PCDHA3: variants seen among roughly 807,000 people sequenced by gnomAD.
The protein encoded by PCDHA3 is protocadherin alpha-3.
A neutral mutation model predicts 62.2 loss-of-function variants in PCDHA3; 41 were observed. The ratio of observed to expected loss-of-function variants is 0.66; its 90% CI spans 0.51 to 0.86. The LOEUF (loss-of-function observed/expected upper bound fraction) is 0.86. PCDHA3 is among the 40% of genes least tolerant of loss of function. PCDHA3 has a pLI of 0.00. For synonymous variants in PCDHA3, 640 were observed against 555.4 expected (o/e 1.15, Z -2.14); for missense variants, 1,304 against 1,241.2 (o/e 1.05, Z -0.76).
chr5:140,813,508 CAT>C (rs1765319427), intron 1 of PCDHA3: 1 of 152,062 alleles, frequency 6.6e-6, no homozygotes. Context: ...ACAGTAAAAA[CAT>C]TGTACAGATT....
At chr5:140,866,702 C>T (rs251370) in intron 1 of PCDHA3, 67,860 of 151,870 alleles carry the variant, frequency 0.45, 15,551 homozygotes, top group South Asian at 0.58. Flanking sequence ...CAGTGGATGA[C>T]GTGCACTAGT....
intron 1 of PCDHA3, chr5:140,848,966 G>C (rs2150427042): frequency 1.9e-5 from 31 of 1,605,602 alleles, no homozygotes; most frequent in Non-Finnish European, 2.6e-5. Flanking sequence ...TAGAGGGCGC[G>C]TCCGATGCAG....
intron 1 of PCDHA3, among the ~76,000 whole-genome samples, chr5:140,819,549 G>C (rs1554127713): frequency 6.6e-6 from 1 of 152,080 alleles, no homozygotes; most frequent in Non-Finnish European, 1.5e-5. Flanking sequence ...TGTAACATTT[G>C]ATTGAAGAAA....
chr5:140,846,369 C>CTTTTTTTTTTTTTTT (rs797033964), intron 1 of PCDHA3, among the ~76,000 whole-genome samples: 7 of 102,190 alleles, frequency 6.8e-5, no homozygotes, highest in Non-Finnish European at 1.2e-4. Context: ...TCTTTTCTTT[C>CTTTTTTTTTTTTTTT]TTTCTTTTTT....
chr5:140,884,020 G>C (rs61734917), intron 1 of PCDHA3: 236 of 1,613,292 alleles, frequency 1.5e-4, no homozygotes, highest in Non-Finnish European at 1.9e-4. Flanking sequence ...TGCCGCGGTC[G>C]GTGGGTGCAG....
intron 1 of PCDHA3, among the ~76,000 whole-genome samples, chr5:140,844,595 AT>A (rs1205514835): frequency 1.2e-4 from 18 of 149,668 alleles, no homozygotes; most frequent in Middle Eastern, 3.5e-3. Context: ...GATATTTAAT[AT>A]ATGACTTAGA....
chr5:140,824,247 C>A (rs1379279128), intron 1 of PCDHA3: 2 of 1,431,764 alleles, frequency 1.4e-6, no homozygotes, highest in South Asian at 1.2e-5. Flanking sequence ...TTGTGGTACA[C>A]AATTATTGCA....
intron 1 of PCDHA3, chr5:140,883,940 G>T: frequency 6.2e-7 from 1 of 1,613,412 alleles, no homozygotes; most frequent in Non-Finnish European, 8.5e-7. Flanking sequence ...CGTGCTGGAC[G>T]AGAACGACAA....
chr5:140,833,788 C>T (rs1397261820), intron 1 of PCDHA3, among the ~76,000 whole-genome samples: 1 of 152,046 alleles, frequency 6.6e-6, no homozygotes, highest in Non-Finnish European at 1.5e-5. Context: ...GTTTCTCTTT[C>T]ATCAATCAGT....
In PCDHA3 at chr5:141,011,632, C is replaced by T. The variant is rs1333162247; in HGVS notation, c.*1695C>T. Reference sequence around the variant, plus strand: ...TTTATGGTCCAGCCAAGAGCCATCTCGTGCCAAGACTTCTGCTGGCAAGGG... The same window carrying T: ...TTTATGGTCCAGCCAAGAGCCATCTTGTGCCAAGACTTCTGCTGGCAAGGG... On this transcript the variant is annotated 3_prime_UTR_variant, in exon 4 of 4. Transcript: ENST00000522353. The T allele has an allele frequency of 1.3e-5, 2 of 153,656 alleles. No homozygotes were observed. The highest frequency in any genetic ancestry group is 4.8e-5 in the African/African-American group (2 of 41,412). 9.5% of individuals were successfully genotyped at this position (153,656 alleles called of 1,614,324 possible).
At chr5:140,833,562 T>A (rs1298635340) in intron 1 of PCDHA3, among the ~76,000 whole-genome samples, 1 of 152,132 alleles carries the variant, frequency 6.6e-6, no homozygotes, top group African/African-American at 2.4e-5. Context: ...GAAACAAATA[T>A]AAAATGATGA....
At chr5:140,805,584 T>C (rs1763598795) in intron 1 of PCDHA3, 2 of 934,032 alleles carry the variant, frequency 2.1e-6, no homozygotes, top group Non-Finnish European at 2.6e-6. Context: ...ATGGCTACCA[T>C]TATGTCTTTA....
chr5:140,826,566 G>A (rs1423403318), intron 1 of PCDHA3, among the ~76,000 whole-genome samples: 2 of 152,130 alleles, frequency 1.3e-5, no homozygotes, highest in Non-Finnish European at 2.9e-5. Context: ...TGAAGGAGGG[G>A]TTTAATCACT....
At position 140,828,002 on chromosome 5, in the gene PCDHA3, G is replaced by A. The variant is rs2150150131; in HGVS notation, c.2394+24411G>A. 1.2e-5 allele frequency: 18 copies of A among 1,499,082 alleles called. No individual in the cohort carries two copies. In the African/African-American group the frequency reaches 1.5e-4, roughly 13 times the overall value. 92.9% of individuals were successfully genotyped at this position (1,499,082 alleles called of 1,614,324 possible). ...TGACTGTTGAATGATGGCGGACGCAGAAGAAATGGATTAATAAATTCCGGA... is the reference window on the plus strand; with the variant it reads ...TGACTGTTGAATGATGGCGGACGCAAAAGAAATGGATTAATAAATTCCGGA... On this transcript the variant is annotated intron_variant, in intron 1 of 3. Transcript: ENST00000522353.
At chr5:140,857,727 A>C in intron 1 of PCDHA3, 1 of 1,597,294 alleles carries the variant, frequency 6.3e-7, no homozygotes, top group South Asian at 1.1e-5. Flanking sequence ...GAGAACGACA[A>C]CGCTCCCGCG....
intron 1 of PCDHA3, chr5:140,836,166 C>A (rs373780071): frequency 1.9e-6 from 3 of 1,613,826 alleles, no homozygotes; most frequent in South Asian, 1.1e-5. Flanking sequence ...GGCGAAGGTA[C>A]GTGCAGTTGA....
At position 141,009,762 on chromosome 5, in the gene PCDHA3, C is replaced by G. The variant is rs2154001658; in HGVS notation, c.2678C>G (p.Ser893Cys). Reference sequence around the variant, plus strand: ...CCCGACAAATTCATTATCCCAGGATCTCCTGCAATCATCTCCATCCGGCAG... The same window carrying G: ...CCCGACAAATTCATTATCCCAGGATGTCCTGCAATCATCTCCATCCGGCAG... Reference protein sequence around the residue: ...ELPDKFIIPGSPAIISIRQEP... With the variant: ...ELPDKFIIPGCPAIISIRQEP... The change falls in exon 4 of 4, where the codon TCT becomes TGT. Residue 893 changes from serine (S) to cysteine (C), a missense_variant. Coordinates refer to ENST00000522353, the MANE Select transcript of PCDHA3 (RefSeq NM_018906.3). 5 of 1,614,180 alleles carry G rather than the reference C, an allele frequency of 3.1e-6. No homozygotes were observed. In the East Asian group the frequency reaches 1.1e-4, roughly 36 times the overall value.
chr5:140,968,741 A>T, intron 1 of PCDHA3: 1 of 1,614,106 alleles, frequency 6.2e-7, no homozygotes, highest in Non-Finnish European at 8.5e-7. Context: ...TTTCAACCTG[A>T]CCGTGGTGGT....
intron 3 of PCDHA3, among the ~76,000 whole-genome samples, chr5:140,994,381 C>T (rs1339661887): frequency 6.6e-6 from 1 of 152,086 alleles, no homozygotes; most frequent in East Asian, 1.9e-4. Context: ...ATTCAGGGGA[C>T]TAAGTCAGAG....
Sources: allele counts gnomAD v4.1 joint callset (sites outside exome capture counted in the v4.1 genomes callset), GRCh38; gene constraint gnomAD v4.1.1; transcripts MANE v1.5; gene names NCBI Gene and HGNC (gene_info 2026-07-23, HGNC 2026-07-21).